The following EFR3B variants were observed in gnomAD, a reference collection of about 807,000 sequenced individuals.
EFR3B encodes the protein EFR3 homolog B, also known as protein EFR3 homolog B.
A neutral mutation model predicts 104.7 loss-of-function variants in EFR3B; 64 were observed. That is an observed-to-expected ratio of 0.61 (90% confidence interval 0.50 to 0.75). EFR3B has a LOEUF of 0.75. EFR3B is among the 30% of genes least tolerant of loss of function. EFR3B has a pLI of 0.00. For synonymous variants in EFR3B, 385 were observed against 417.9 expected (o/e 0.92, Z 0.96); for missense variants, 750 against 1,078.5 (o/e 0.70, Z 4.27).
intron 20 of EFR3B, 88 bp downstream of exon 20, chr2:25,149,830 C>A: frequency 8.2e-7 from 1 of 1,221,926 alleles, no homozygotes; most frequent in Non-Finnish European, 1.2e-6. Context: ...GGACACACCA[C>A]CCTCCGCAGT....
In EFR3B at chr2:25,159,012, G is replaced by A. The variant is rs1488312123; in HGVS notation, c.*4672G>A. ...AGTTTTATTTTAGGGAAGTGGGAAA[G>A]GCGGAGTGGGGGGAAGTATAGGAAG... On this transcript the variant is annotated 3_prime_UTR_variant, in exon 23 of 23. Transcript: ENST00000403714. 6.6e-6 allele frequency: 1 copy of A among 152,222 alleles called. No homozygotes were observed. Among genetic ancestry groups the A allele is most frequent in the Non-Finnish European group, 1.5e-5 (1 of 68,040 alleles). The allele number at this position is 152,222 out of a possible 1,614,324, so 9.4% of individuals were successfully genotyped here.
intron 4 of EFR3B, among the ~76,000 whole-genome samples, chr2:25,120,813 G>A (rs762580602): frequency 6.6e-6 from 1 of 152,218 alleles, no homozygotes; most frequent in Non-Finnish European, 1.5e-5. Flanking sequence ...GAGGAATCTA[G>A]CTGCCCAGGA....
chr2:25,091,574 G>A (rs1669123132), intron 2 of EFR3B, among the ~76,000 whole-genome samples, 173 bp downstream of exon 2: 1 of 152,218 alleles, frequency 6.6e-6, no homozygotes, highest in Non-Finnish European at 1.5e-5. Flanking sequence ...CATGGGCAGT[G>A]GTGAGAGGCC....
At chr2:25,063,221 TGAGCCACTGTGCCTG>T (rs1668246706) in intron 1 of EFR3B, among the ~76,000 whole-genome samples, 1 of 152,206 alleles carries the variant, frequency 6.6e-6, no homozygotes, top group Admixed American at 6.5e-5. Context: ...ATTACAGGCG[TGAGCCACTGTGCCTG>T]GCCGAAGGAT....
At chr2:25,046,793 G>A (rs796524593) in intron 1 of EFR3B, among the ~76,000 whole-genome samples, 7 of 152,198 alleles carry the variant, frequency 4.6e-5, no homozygotes, top group South Asian at 2.1e-4. Context: ...GTGAGCCACC[G>A]CGCCCGGCCG....
intron 3 of EFR3B, among the ~76,000 whole-genome samples, chr2:25,100,246 G>A (rs1263895630): frequency 1.3e-5 from 2 of 152,154 alleles, no homozygotes; most frequent in Non-Finnish European, 2.9e-5. Context: ...AACATTCAAT[G>A]ATGGATATGA....
Position 25,042,665 on chromosome 2 carries a change from C to A in EFR3B, c.7+346C>A. ...GCAGCATTTGCGGAATTAACAAAAGCGGTTTGTGCCTGGGAGTTTTCTGTG... is the reference window on the plus strand; with the variant it reads ...GCAGCATTTGCGGAATTAACAAAAGAGGTTTGTGCCTGGGAGTTTTCTGTG... On this transcript the variant is annotated intron_variant, in intron 1 of 22. Transcript: ENST00000403714. This position sits in a 1 kb window ranked among gnomAD's most constrained non-coding sequence, Gnocchi z 5.4. 1 of 1,056,926 alleles carries A rather than the reference C, an allele frequency of 9.5e-7. No homozygotes were observed. Among genetic ancestry groups the A allele is most frequent in the South Asian group, 4.5e-5 (1 of 22,004 alleles). 65.5% of individuals were successfully genotyped at this position (1,056,926 alleles called of 1,614,324 possible).
At chr2:25,143,243 G>A (rs1367550172) in intron 17 of EFR3B, among the ~76,000 whole-genome samples, 7 of 152,264 alleles carry the variant, frequency 4.6e-5, no homozygotes, top group African/African-American at 1.7e-4. Context: ...ACTGAAGGAT[G>A]TGATTGTTGT....
chr2:25,070,342 A>C (rs1573179143), intron 1 of EFR3B, among the ~76,000 whole-genome samples: 2 of 151,822 alleles, frequency 1.3e-5, no homozygotes, highest in Non-Finnish European at 2.9e-5. Flanking sequence ...GCTCACTGCA[A>C]CCTCCGCCTC....
At position 25,154,405 on chromosome 2, in the gene EFR3B, C is replaced by T. The variant is rs1184742663; in HGVS notation, c.*65C>T. 2.5e-5 allele frequency: 35 copies of T among 1,377,888 alleles called. 1 individual carries two copies. Among genetic ancestry groups the T allele is most frequent in the African/African-American group, 4.3e-5 (3 of 69,064 alleles). The allele number at this position is 1,377,888 out of a possible 1,614,324, so 85.4% of individuals were successfully genotyped here. Reference sequence around the variant, plus strand: ...GGAGGGGCTCACCTCACGCCCACCCCGACCACATGGAGATCTGGCTGTGAT... The same window carrying T: ...GGAGGGGCTCACCTCACGCCCACCCTGACCACATGGAGATCTGGCTGTGAT... On this transcript the variant is annotated 3_prime_UTR_variant, in exon 23 of 23. Coordinates refer to ENST00000403714, the MANE Select transcript of EFR3B (RefSeq NM_014971.2). The surrounding 1 kb of genome is among the most constrained non-coding windows in gnomAD (Gnocchi z 4.1).
In EFR3B at chr2:25,137,639, C is replaced by G. The variant is rs1317589009; in HGVS notation, c.1722+137C>G. The G allele has an allele frequency of 1.5e-6, 2 of 1,293,594 alleles. No homozygotes were observed. Among genetic ancestry groups the G allele is most frequent in the African/African-American group, 1.5e-5 (1 of 67,326 alleles). The allele number at this position is 1,293,594 out of a possible 1,614,324, so 80.1% of individuals were successfully genotyped here. Reference sequence around the variant, plus strand: ...CAGGAATATTGTACTCGTGGTTGGCCACGCCTCCCTGAAGACCCCAAACCA... The same window carrying G: ...CAGGAATATTGTACTCGTGGTTGGCGACGCCTCCCTGAAGACCCCAAACCA... On this transcript the variant is annotated intron_variant, in intron 15 of 22. Coordinates refer to ENST00000403714, the MANE Select transcript of EFR3B (RefSeq NM_014971.2). This position sits in a 1 kb window ranked among gnomAD's most constrained non-coding sequence, Gnocchi z 4.7.
Position 25,128,265 on chromosome 2 carries a change from C to G in EFR3B, c.568C>G (p.Pro190Ala). 6.4e-7 allele frequency: 1 copy of G among 1,551,792 alleles called. No homozygotes were observed. The highest frequency in any genetic ancestry group is 8.7e-7 in the Non-Finnish European group (1 of 1,147,030). The change falls in exon 6 of 23, where the codon CCA becomes GCA. Residue 190 changes from proline to alanine, a missense_variant. Coordinates refer to ENST00000403714, the MANE Select transcript of EFR3B (RefSeq NM_014971.2). ...TGAACTGCAGGCCAATATCTGGGAC[C>G]CACAGCACATGGATAAGATCGTTCC... is the stretch of plus-strand genomic sequence containing the variant. Reference protein sequence around the residue: ...NDELQANIWDPQHMDKIVPSL... With the variant: ...NDELQANIWDAQHMDKIVPSL...
At chr2:25,049,840 C>T (rs556083332) in intron 1 of EFR3B, among the ~76,000 whole-genome samples, 12 of 150,364 alleles carry the variant, frequency 8.0e-5, no homozygotes, top group African/African-American at 2.2e-4. Flanking sequence ...ATAGGCTGGT[C>T]GCGGTGGCTC....
At chr2:25,152,559 G>A (rs1671042015) in intron 21 of EFR3B, among the ~76,000 whole-genome samples, 2 of 152,092 alleles carry the variant, frequency 1.3e-5, no homozygotes, top group Admixed American at 6.6e-5. Flanking sequence ...TTGGCAGGGG[G>A]ATGGAACAGC....
chr2:25,089,425 T>C (rs1669051820), intron 1 of EFR3B, among the ~76,000 whole-genome samples: 1 of 152,160 alleles, frequency 6.6e-6, no homozygotes, highest in Non-Finnish European at 1.5e-5. Flanking sequence ...ACAATTTTTT[T>C]AGTCCTAACT....
In EFR3B at chr2:25,099,527, A is replaced by G. The variant is rs1018240734; in HGVS notation, c.213-4110A>G. ...TCATTTAATAAAAGTTGACGCGGCT[A>G]TTCTAGATAAAAGAAATAAACATTT... On this transcript the variant is annotated intron_variant, in intron 3 of 22. Transcript: ENST00000403714. Among the ~76,000 whole-genome samples, 12 of 151,476 alleles carry G rather than the reference A, an allele frequency of 7.9e-5. No homozygotes were observed. The East Asian group carries it at 1.5e-3, about 19-fold the overall frequency.
intron 1 of EFR3B, among the ~76,000 whole-genome samples, chr2:25,047,686 A>G (rs1667760081): frequency 6.6e-6 from 1 of 151,830 alleles, no homozygotes; most frequent in African/African-American, 2.4e-5. Context: ...TTTAGTAGAG[A>G]TGGGGTTTCA....
intron 1 of EFR3B, among the ~76,000 whole-genome samples, chr2:25,055,001 T>C (rs1194486928): frequency 6.6e-6 from 1 of 152,262 alleles, no homozygotes; most frequent in Non-Finnish European, 1.5e-5. Flanking sequence ...TTCGTATGCA[T>C]GACTAAAATT....
chr2:25,086,949 A>G (rs1019598717), intron 1 of EFR3B, among the ~76,000 whole-genome samples: 1 of 152,182 alleles, frequency 6.6e-6, no homozygotes, highest in Non-Finnish European at 1.5e-5. Flanking sequence ...GTATTAGTCC[A>G]TTCTCATGCT....
Sources: gnomAD v4.1 joint callset for allele counts (sites outside exome capture counted in the v4.1 genomes callset) on GRCh38, gnomAD v4.1.1 for gene constraint, Gnocchi (gnomAD v3.1) non-coding constraint, MANE v1.5 for transcripts, NCBI Gene and HGNC (gene_info 2026-07-23, HGNC 2026-07-21) for gene names.